ATP1A4: variants seen among roughly 807,000 people sequenced by gnomAD.
The protein encoded by ATP1A4 is ATPase Na+/K+ transporting subunit alpha 4.
A neutral mutation model predicts 114.3 loss-of-function variants in ATP1A4; 90 were observed. The observed-to-expected ratio is 0.79, with a 90% CI of 0.66 to 0.94. ATP1A4 has a LOEUF of 0.94. ATP1A4 is among the 40% of genes least tolerant of loss of function. The pLI, the probability that ATP1A4 is intolerant of heterozygous loss-of-function variation, is 0.00. For synonymous variants in ATP1A4, 511 were observed against 494.1 expected (o/e 1.03, Z -0.45); for missense variants, 1,222 against 1,313.6 (o/e 0.93, Z 1.08).
At chr1:160,164,446 T>C in intron 7 of ATP1A4, 22 bp downstream of exon 7, 2 of 1,612,668 alleles carry the variant, frequency 1.2e-6, no homozygotes, top group Non-Finnish European at 1.7e-6. Flanking sequence ...GGGTGGAAAA[T>C]GGCCTCAGGG....
Position 160,158,855 on chromosome 1 carries a change from C to A in ATP1A4, c.526-147C>A, listed in dbSNP as rs115532445. On this transcript the variant is annotated intron_variant, in intron 4 of 21. Coordinates refer to ENST00000368081, the MANE Select transcript of ATP1A4 (RefSeq NM_144699.4). ...CAGCATCATGGGAATTTGCAATCTG[C>A]CAAAGACACCTTCAAGAATGATGTG... is the stretch of plus-strand genomic sequence containing the variant. 2.4e-4 allele frequency: 208 copies of A among 863,816 alleles called. 2 individuals carry two copies. Among genetic ancestry groups the A allele is most frequent in the Admixed American group, 4.3e-4 (15 of 34,526 alleles). 53.5% of individuals were successfully genotyped at this position (863,816 alleles called of 1,614,324 possible). A position where few individuals can be genotyped will look rare whatever the true frequency, so the allele number is the denominator to read the frequency against.
intron 6 of ATP1A4, among the ~76,000 whole-genome samples, chr1:160,163,044 C>T (rs565786481): frequency 6.6e-6 from 1 of 152,240 alleles, no homozygotes; most frequent in South Asian, 2.1e-4. Context: ...TCTCAGAGGG[C>T]CTTGAGTCTC....
chr1:160,175,052 C>T (rs567413526), intron 15 of ATP1A4, among the ~76,000 whole-genome samples: 7 of 152,250 alleles, frequency 4.6e-5, no homozygotes, highest in East Asian at 3.9e-4. Flanking sequence ...TTCAAGTAGG[C>T]CCACAGCCAG....
At chr1:160,154,934 G>A (rs997937584) in intron 2 of ATP1A4, 111 bp from the exon 3 acceptor site, 3 of 951,516 alleles carry the variant, frequency 3.2e-6, no homozygotes, top group Non-Finnish European at 4.8e-6. Context: ...CCTTCTGAAA[G>A]CGTCTTTAGT....
chr1:160,158,006 T>G (rs1336383107), intron 4 of ATP1A4, among the ~76,000 whole-genome samples: 1 of 152,216 alleles, frequency 6.6e-6, no homozygotes, highest in Non-Finnish European at 1.5e-5. Context: ...GATTTCCTTC[T>G]CTTTTTGGTA....
intron 6 of ATP1A4, among the ~76,000 whole-genome samples, chr1:160,160,496 C>T (rs142962834): frequency 6.0e-4 from 92 of 152,234 alleles, no homozygotes; most frequent in African/African-American, 1.8e-3. Context: ...GGATTACAGA[C>T]GTGAGCCACC....
At chr1:160,186,650 C>G (rs2101664790) in intron 21 of ATP1A4, 21 bp from the exon 22 acceptor site, 2 of 1,608,384 alleles carry the variant, frequency 1.2e-6, no homozygotes, top group Non-Finnish European at 1.7e-6. Flanking sequence ...CCAGTTCACG[C>G]TGGCCTCTTC....
intron 12 of ATP1A4, among the ~76,000 whole-genome samples, chr1:160,172,940 G>A (rs1480937166): frequency 6.6e-6 from 1 of 152,244 alleles, no homozygotes; most frequent in Non-Finnish European, 1.5e-5. Context: ...TTACAAGGAA[G>A]CCACCCTTGC....
Position 160,176,250 on chromosome 1 carries a change from A to C in ATP1A4, c.2466+4A>C. ...CATTGATCTCGGCACTGACATGGTAAGGGCCAAGCTGGTGAGCAAGAGATT... is the reference window on the plus strand; with the variant it reads ...CATTGATCTCGGCACTGACATGGTACGGGCCAAGCTGGTGAGCAAGAGATT... On this transcript the variant is annotated splice_donor_region_variant and intron_variant, in intron 16 of 21. Transcript: ENST00000368081. 1.2e-6 allele frequency: 2 copies of C among 1,614,048 alleles called. No individual in the cohort carries two copies. The highest frequency in any genetic ancestry group is 1.1e-5 in the South Asian group (1 of 91,068).
At chr1:160,164,624 G>T (rs776643612) in intron 7 of ATP1A4, among the ~76,000 whole-genome samples, 200 bp downstream of exon 7, 8 of 152,198 alleles carry the variant, frequency 5.3e-5, no homozygotes, top group Admixed American at 1.3e-4. Flanking sequence ...TTTCCTCAAT[G>T]AGAGAGGAAG....
In ATP1A4 at chr1:160,186,693, C is replaced by T. The variant is rs748218111; in HGVS notation, c.3084C>T (p.Tyr1028=). The T allele has an allele frequency of 5.6e-6, 9 of 1,611,062 alleles. No individual in the cohort carries two copies. Among genetic ancestry groups the T allele is most frequent in the African/African-American group, 1.3e-5 (1 of 74,974 alleles). Residue 1028 remains tyrosine, a synonymous_variant, in exon 22 of 22, where the codon TAC becomes TAT. Transcript: ENST00000368081. ...HPDGWVERET[Y]Y ...CAGGCTGGGTGGAAAGGGAGACGTA[C>T]TACTAAACTCAGCAGATGAAGAGCT...
chr1:160,171,155 A>G (rs1653239922), intron 10 of ATP1A4, 96 bp from the exon 11 acceptor site: 16 of 1,181,028 alleles, frequency 1.4e-5, no homozygotes, highest in Non-Finnish European at 1.8e-5. Context: ...GGGGGTATGA[A>G]ACACATTTTT....
Position 160,166,302 on chromosome 1 carries a change from A to C in ATP1A4, c.1048-226A>C, listed in dbSNP as rs77604810. ...AAAAACAGAAAAAGACATTTTTTTT[A>C]AATACACTCTTTTTTGAAACTCTTA... On this transcript the variant is annotated intron_variant, in intron 7 of 21. Transcript: ENST00000368081. Among the ~76,000 whole-genome samples, 12 of 152,298 alleles carry C rather than the reference A, an allele frequency of 7.9e-5. No homozygotes were observed. In the East Asian group the frequency reaches 2.3e-3, roughly 29 times the overall value.
At position 160,186,659 on chromosome 1, in the gene ATP1A4, TCTC is replaced by T. The variant is rs769787122; in HGVS notation, c.3062-11_3062-9del. The T allele has an allele frequency of 6.2e-7, 1 of 1,609,736 alleles. No individual in the cohort carries two copies. Among genetic ancestry groups the T allele is most frequent in the Admixed American group, 1.7e-5 (1 of 59,516 alleles). The stretch of plus-strand genomic sequence containing the variant: ...CTTCTCCCAGTTCACGCTGGCCTCT[TCTC>T]TTCCACAGGCTGGGTGGAAAGGGAG... On this transcript the variant is annotated splice_polypyrimidine_tract_variant and intron_variant, in intron 21 of 21. Coordinates refer to ENST00000368081, the MANE Select transcript of ATP1A4 (RefSeq NM_144699.4).
chr1:160,173,973 G>A, intron 13 of ATP1A4, 138 bp from the exon 14 acceptor site: 1 of 1,142,792 alleles, frequency 8.8e-7, no homozygotes, highest in African/African-American at 1.6e-5. Context: ...TGTCAATTTG[G>A]GGACAATATA....
intron 10 of ATP1A4, among the ~76,000 whole-genome samples, chr1:160,168,904 C>A (rs1056356136): frequency 6.6e-6 from 1 of 152,160 alleles, no homozygotes; most frequent in Non-Finnish European, 1.5e-5. Flanking sequence ...GGGCCTTTGA[C>A]GGCAGCATAG....
chr1:160,158,290 T>A (rs1402111073), intron 4 of ATP1A4, among the ~76,000 whole-genome samples: 1 of 152,184 alleles, frequency 6.6e-6, no homozygotes, highest in East Asian at 1.9e-4. Flanking sequence ...TCGTGATCTC[T>A]CTTTTTACAG....
chr1:160,182,292 T>C (rs1266110984), intron 20 of ATP1A4, among the ~76,000 whole-genome samples: 1 of 152,192 alleles, frequency 6.6e-6, no homozygotes, highest in African/African-American at 2.4e-5. Context: ...CAGAGTGAAA[T>C]CTTTTTCGTG....
intron 1 of ATP1A4, 88 bp downstream of exon 1, chr1:160,152,275 C>T: frequency 6.9e-7 from 1 of 1,440,194 alleles, no homozygotes; most frequent in Non-Finnish European, 9.3e-7. Flanking sequence ...GAATGAAACA[C>T]ACAGGCCAGA....
Sources: allele counts gnomAD v4.1 joint callset (sites outside exome capture counted in the v4.1 genomes callset), GRCh38; gene constraint gnomAD v4.1.1; transcripts MANE v1.5; gene names NCBI Gene and HGNC (gene_info 2026-07-23, HGNC 2026-07-21).